Variants in MYT1 observed in about 807,000 individuals in gnomAD.
The protein encoded by MYT1 is myelin transcription factor I.
A neutral mutation model predicts 123.0 loss-of-function variants in MYT1; 23 were observed. The ratio of observed to expected loss-of-function variants is 0.19; its 90% confidence interval spans 0.13 to 0.26. The LOEUF (loss-of-function observed/expected upper bound fraction) is 0.26. Among genes scored for constraint, MYT1 ranks in the 10% least tolerant of loss-of-function variants. MYT1 has a pLI of 1.00. For synonymous variants in MYT1, 518 were observed against 575.3 expected, an observed-to-expected ratio of 0.90 and a Z score of 1.43; for missense variants, 1,125 against 1,472.5, an observed-to-expected ratio of 0.76 and a Z score of 3.86.
chr20:64,208,165 G>T lies in MYT1; in HGVS notation c.969G>T (p.Gln323His). Residue 323 changes from glutamine to histidine, a missense_variant, in exon 7 of 23, where the codon CAG (glutamine) becomes CAT (histidine). Physicochemically the swap from Gln to His is conservative, Grantham distance 24. Coordinates refer to ENST00000328439, the MANE Select transcript of MYT1 (RefSeq NM_004535.3). This position sits in a 1 kb window ranked among gnomAD's most constrained non-coding sequence, Gnocchi z 5.4. ...AAGACACCTCTCACACCTCTGCCCAGAAGGCCCCTGAGCTCCGGGGCCCAG... is the reference window on the plus strand; with the variant it reads ...AAGACACCTCTCACACCTCTGCCCATAAGGCCCCTGAGCTCCGGGGCCCAG... Reference protein sequence around the residue: ...FQEDTSHTSAQKAPELRGPES... With the variant: ...FQEDTSHTSAHKAPELRGPES... The T allele has an allele frequency of 6.2e-7, 1 of 1,613,720 alleles. No homozygotes were observed. The highest frequency in any genetic ancestry group is 8.5e-7 in the Non-Finnish European group (1 of 1,179,920).
chr20:64,239,298 C>CG (rs528579993), intron 21 of MYT1, among the ~76,000 whole-genome samples: 132 of 152,162 alleles, frequency 8.7e-4, no homozygotes, highest in Non-Finnish European at 8.1e-4. Context: ...TGACACTCCA[C>CG]GGGGGGGTGC....
intron 14 of MYT1, 145 bp downstream of exon 14, chr20:64,222,192 C>G (rs889632133): frequency 3.8e-6 from 3 of 796,696 alleles, no homozygotes; most frequent in Non-Finnish European, 5.9e-6. Flanking sequence ...CAGCCTGTGA[C>G]AGGAGCCAGG....
intron 1 of MYT1, among the ~76,000 whole-genome samples, chr20:64,170,906 G>T (rs1332061892): frequency 9.7e-5 from 12 of 124,202 alleles, no homozygotes; most frequent in Admixed American, 1.6e-4. Context: ...GAGAGAGAGA[G>T]AGAGAGAGAG....
chr20:64,166,621 C>T lies in MYT1; in HGVS notation c.-99+1882C>T, dbSNP rs1457301511. On this transcript the variant is annotated intron_variant, in intron 1 of 22. Coordinates refer to ENST00000328439, the MANE Select transcript of MYT1 (RefSeq NM_004535.3). This position sits in a 1 kb window ranked among gnomAD's most constrained non-coding sequence, Gnocchi z 4.9. ...TTTTGTGACCCTCAGCCATTGCCCA[C>T]AGATCTGGAGGTAGCCTCAGTTGTT... Among the ~76,000 whole-genome samples the T allele has an allele frequency of 6.6e-6, 1 of 152,242 alleles. No individual in the cohort carries two copies. The highest frequency in any genetic ancestry group is 1.9e-4 in the East Asian group (1 of 5,198).
At position 64,166,440 on chromosome 20, in the gene MYT1, C is replaced by G. The variant is rs1982085286; in HGVS notation, c.-99+1701C>G. 6.6e-6 allele frequency among the ~76,000 whole-genome samples: 1 copy of G among 152,176 alleles called. No homozygotes were observed. Among genetic ancestry groups the G allele is most frequent in the Admixed American group, 6.5e-5 (1 of 15,284 alleles). On this transcript the variant is annotated intron_variant, in intron 1 of 22. Coordinates refer to ENST00000328439, the MANE Select transcript of MYT1 (RefSeq NM_004535.3). The surrounding 1 kb of genome is among the most constrained non-coding windows in gnomAD (Gnocchi z 4.9). ...GTACTTGCTGATCCAGGAGCTTGAGCAGGAGCCACAGAGAGTTGGACAAAG... is the reference window on the plus strand; with the variant it reads ...GTACTTGCTGATCCAGGAGCTTGAGGAGGAGCCACAGAGAGTTGGACAAAG...
intron 12 of MYT1, among the ~76,000 whole-genome samples, 165 bp downstream of exon 12, chr20:64,219,200 G>A (rs1983924528): frequency 6.6e-6 from 1 of 152,212 alleles, no homozygotes; most frequent in African/African-American, 2.4e-5. Context: ...CCCAAGGACC[G>A]CAGAGCTTGG....
intron 7 of MYT1, among the ~76,000 whole-genome samples, chr20:64,210,859 C>T (rs577821159): frequency 2.6e-4 from 39 of 152,376 alleles, no homozygotes; most frequent in East Asian, 7.7e-4. Context: ...TATTGCCAAA[C>T]GCCTTGACCT....
rs1265837715 is a variant in MYT1 at position 64,202,879 on chromosome 20, G to A, written c.87-2156G>A. On this transcript the variant is annotated intron_variant, in intron 4 of 22. Transcript: ENST00000328439. This position sits in a 1 kb window ranked among gnomAD's most constrained non-coding sequence, Gnocchi z 5.0. ...CCCTCCTCCCGGAGAAAAGAGGCTC[G>A]GGAGTCCTGGAGCCCTGGCCGTCTT... is the stretch of plus-strand genomic sequence containing the variant. Among the ~76,000 whole-genome samples the A allele has an allele frequency of 5.3e-5, 8 of 152,148 alleles. No individual in the cohort carries two copies. The highest frequency in any genetic ancestry group is 1.3e-4 in the Admixed American group (2 of 15,282).
At position 64,240,469 on chromosome 20, in the gene MYT1, G is replaced by A; in HGVS notation, c.*21G>A. 3 of 1,607,184 alleles carry A rather than the reference G, an allele frequency of 1.9e-6. No individual in the cohort carries two copies. The highest frequency in any genetic ancestry group is 2.5e-6 in the Non-Finnish European group (3 of 1,177,520). On this transcript the variant is annotated 3_prime_UTR_variant, in exon 23 of 23. Coordinates refer to ENST00000328439, the MANE Select transcript of MYT1 (RefSeq NM_004535.3). ...TCTAGGCCGTGTGGTACCCAGAAGT[G>A]TCCCAGCCCACCACACCGTTTACCT... is the stretch of plus-strand genomic sequence containing the variant.
At chr20:64,220,867 G>A (rs1007907083) in intron 13 of MYT1, among the ~76,000 whole-genome samples, 2 of 134,736 alleles carry the variant, frequency 1.5e-5, no homozygotes, top group African/African-American at 3.2e-5. Flanking sequence ...TATGAAGGGT[G>A]GGGGCTGGAT....
chr20:64,236,596 G>A lies in MYT1; in HGVS notation c.2939G>A (p.Gly980Glu), dbSNP rs1984557444. The change falls in exon 20 of 23, where the codon GGA (glycine) becomes GAA (glutamate). Residue 980 changes from glycine to glutamate, a missense_variant. Gly to Glu is a moderately conservative substitution (Grantham distance 98, BLOSUM62 -2). Coordinates refer to ENST00000328439, the MANE Select transcript of MYT1 (RefSeq NM_004535.3). ...AGAGCAACCTTTGCTGGAAAGAAGG[G>A]AAAACTGTCAGGGGATGAGGTCCTC... ...CPRATFAGKK[G>E]KLSGDEVLSP... 2 of 1,613,634 alleles carry A rather than the reference G, an allele frequency of 1.2e-6. No individual in the cohort carries two copies. The highest frequency in any genetic ancestry group is 3.3e-5 in the Admixed American group (2 of 59,980).
chr20:64,188,640 C>A (rs1568701789), intron 1 of MYT1, among the ~76,000 whole-genome samples: 1 of 152,182 alleles, frequency 6.6e-6, no homozygotes, highest in African/African-American at 2.4e-5. Context: ...CTCCCTATAC[C>A]CCACATCCCT....
rs912986335 is a variant in MYT1, at chr20:64,167,401, G to A, written c.-99+2662G>A. ...CGGGGCTCAGGGTGGGGATGAGACCGGGAACAACCAGAACACTTTGGTCAG... is the reference window on the plus strand; with the variant it reads ...CGGGGCTCAGGGTGGGGATGAGACCAGGAACAACCAGAACACTTTGGTCAG... On this transcript the variant is annotated intron_variant, in intron 1 of 22. Transcript: ENST00000328439. This position sits in a 1 kb window ranked among gnomAD's most constrained non-coding sequence, Gnocchi z 6.3. Among the ~76,000 whole-genome samples, 1 of 152,200 alleles carries A rather than the reference G, an allele frequency of 6.6e-6. No individual in the cohort carries two copies. The highest frequency in any genetic ancestry group is 1.5e-5 in the Non-Finnish European group (1 of 68,044).
At chr20:64,173,641 T>C (rs550754) in intron 1 of MYT1, among the ~76,000 whole-genome samples, 7 of 121,336 alleles carry the variant, frequency 5.8e-5, no homozygotes, top group East Asian at 2.6e-4. Context: ...CTGCAGCATC[T>C]TTCCTTGTAG....
intron 1 of MYT1, among the ~76,000 whole-genome samples, chr20:64,180,038 CCACACAG>C (rs1310951256): frequency 2.1e-5 from 3 of 143,000 alleles, no homozygotes; most frequent in African/African-American, 5.1e-5. Flanking sequence ...CAGTTACATG[CCACACAG>C]TCACACACAG....
In MYT1 at chr20:64,167,366, G is replaced by A. The variant is rs774280115; in HGVS notation, c.-99+2627G>A. 1.7e-4 allele frequency among the ~76,000 whole-genome samples: 26 copies of A among 152,210 alleles called. No individual in the cohort carries two copies. Among genetic ancestry groups the A allele is most frequent in the Non-Finnish European group, 3.5e-4 (24 of 68,040 alleles). Reference sequence around the variant, plus strand: ...ACTGAGCAAGGCTTGTGTCCACCCAGTCCCTCTGTCGGGGCTCAGGGTGGG... The same window carrying A: ...ACTGAGCAAGGCTTGTGTCCACCCAATCCCTCTGTCGGGGCTCAGGGTGGG... On this transcript the variant is annotated intron_variant, in intron 1 of 22. Coordinates refer to ENST00000328439, the MANE Select transcript of MYT1 (RefSeq NM_004535.3). The surrounding 1 kb of genome is among the most constrained non-coding windows in gnomAD (Gnocchi z 6.3).
chr20:64,173,331 T>A (rs1982344673), intron 1 of MYT1, among the ~76,000 whole-genome samples: 1 of 152,088 alleles, frequency 6.6e-6, no homozygotes, highest in Non-Finnish European at 1.5e-5. Flanking sequence ...GTTGGACAGG[T>A]GCGGCTGATA....
intron 1 of MYT1, among the ~76,000 whole-genome samples, chr20:64,165,744 A>G (rs778259716): frequency 1.2e-4 from 19 of 152,076 alleles, no homozygotes; most frequent in Non-Finnish European, 1.5e-4. Context: ...GGTCCTGGGC[A>G]TGGACTCTGT....
chr20:64,173,536 TCCTTCC>T (rs1982357076), intron 1 of MYT1, among the ~76,000 whole-genome samples: 1 of 118,652 alleles, frequency 8.4e-6, no homozygotes, highest in African/African-American at 3.3e-5. Context: ...TCCTGCAGCA[TCCTTCC>T]CTTTAGTTGT....
Sources: gnomAD v4.1 joint callset for allele counts (sites outside exome capture counted in the v4.1 genomes callset) on GRCh38, gnomAD v4.1.1 for gene constraint, Gnocchi (gnomAD v3.1) non-coding constraint, MANE v1.5 for transcripts, NCBI Gene and HGNC (gene_info 2026-07-23, HGNC 2026-07-21) for gene names.